The following UPP2 variants were observed in gnomAD, a reference collection of about 807,000 sequenced individuals.
UPP2 encodes the protein uridine phosphorylase 2, also known as UPase 2.
A neutral mutation model predicts 26.7 loss-of-function variants in UPP2; 23 were observed. The ratio of observed to expected loss-of-function variants is 0.86; its 90% CI spans 0.62 to 1.22. The LOEUF is 1.22. UPP2 is among the 50% of genes most tolerant of loss of function. The pLI, the probability that UPP2 is intolerant of heterozygous loss-of-function variation, is 0.00. For synonymous variants in UPP2, 127 were observed against 141.3 expected (o/e 0.90, Z 0.72); for missense variants, 387 against 396.7 (o/e 0.98, Z 0.21).
At chr2:158,077,805 C>G (rs1411742532) in intron 3 of UPP2, among the ~76,000 whole-genome samples, 1 of 151,902 alleles carries the variant, frequency 6.6e-6, no homozygotes, top group African/African-American at 2.4e-5. Flanking sequence ...AACTTCTGCA[C>G]AACAAAGGAA....
At chr2:158,122,219 C>G (rs1683585212) in intron 5 of UPP2, among the ~76,000 whole-genome samples, 1 of 150,810 alleles carries the variant, frequency 6.6e-6, no homozygotes, top group Non-Finnish European at 1.5e-5. Flanking sequence ...TCTTTCTCGT[C>G]CCAGAAGAAA....
intron 3 of UPP2, among the ~76,000 whole-genome samples, chr2:158,033,090 A>G (rs369925062): frequency 2.0e-5 from 3 of 152,244 alleles, no homozygotes; most frequent in African/African-American, 7.2e-5. Flanking sequence ...AATGTAGGCA[A>G]CACCCAGCTA....
intron 3 of UPP2, among the ~76,000 whole-genome samples, chr2:158,071,418 G>A (rs1682537722): frequency 6.6e-6 from 1 of 152,002 alleles, no homozygotes; most frequent in African/African-American, 2.4e-5. Context: ...GGGCATGGTG[G>A]CACATGCCTG....
intron 3 of UPP2, among the ~76,000 whole-genome samples, chr2:158,019,488 C>T (rs1357087199): frequency 1.3e-5 from 2 of 152,156 alleles, no homozygotes; most frequent in Non-Finnish European, 1.5e-5. Context: ...GTTCATCTTG[C>T]TTCCTCTTAT....
chr2:158,102,249 C>T, intron 1 of UPP2, 124 bp downstream of exon 1: 1 of 931,062 alleles, frequency 1.1e-6, no homozygotes, highest in South Asian at 2.4e-5. Flanking sequence ...GATTATATCA[C>T]TGGATGCAGC....
At position 158,131,976 on chromosome 2, in the gene UPP2, T is replaced by C. The variant is rs188417284; in HGVS notation, c.812-2772T>C. ...TTTAGTAAAGTCGGTTCCCACTCTG[T>C]AAAAAGTATAGAGCACTGGTTTCCT... On this transcript the variant is annotated intron_variant, in intron 6 of 6. Coordinates refer to ENST00000005756, the MANE Select transcript of UPP2 (RefSeq NM_173355.4). Among the ~76,000 whole-genome samples the C allele has an allele frequency of 3.9e-5, 6 of 152,326 alleles. No individual in the cohort carries two copies. The East Asian group carries it at 1.2e-3, about 29-fold the overall frequency.
chr2:158,085,000 T>C (rs1682790608), intron 3 of UPP2, among the ~76,000 whole-genome samples: 1 of 152,144 alleles, frequency 6.6e-6, no homozygotes, highest in South Asian at 2.1e-4. Flanking sequence ...TACATATGAA[T>C]TTTAGAATTT....
intron 3 of UPP2, among the ~76,000 whole-genome samples, chr2:158,041,611 T>A (rs1684082193): frequency 6.6e-6 from 1 of 152,270 alleles, no homozygotes; most frequent in South Asian, 2.1e-4. Flanking sequence ...TTGCATTGTA[T>A]TAATGACCTC....
intron 3 of UPP2, among the ~76,000 whole-genome samples, chr2:158,094,738 T>C (rs981456141): frequency 6.6e-6 from 1 of 152,206 alleles, no homozygotes; most frequent in African/African-American, 2.4e-5. Flanking sequence ...TTAGCATTAT[T>C]TTCCCATCTG....
intron 3 of UPP2, among the ~76,000 whole-genome samples, chr2:158,019,905 C>A (rs754251507): frequency 7.2e-5 from 11 of 151,734 alleles, no homozygotes; most frequent in Admixed American, 3.3e-4. Flanking sequence ...ATTTTATACA[C>A]CAAAAGAAAA....
intron 3 of UPP2, among the ~76,000 whole-genome samples, chr2:158,039,846 T>C (rs1446474559): frequency 1.3e-5 from 2 of 152,160 alleles, no homozygotes; most frequent in East Asian, 3.9e-4. Context: ...GGAATTTCTG[T>C]TTTCTCTCAT....
At chr2:158,020,401 C>T (rs17420138) in intron 3 of UPP2, among the ~76,000 whole-genome samples, 6,843 of 152,286 alleles carry the variant, frequency 0.045, 204 homozygotes, top group Non-Finnish European at 0.068. Flanking sequence ...AGGACAAGTG[C>T]GGACATGATG....
intron 3 of UPP2, among the ~76,000 whole-genome samples, chr2:158,034,065 C>G (rs1683964749): frequency 6.6e-6 from 1 of 152,196 alleles, no homozygotes; most frequent in Admixed American, 6.5e-5. Flanking sequence ...AGGCTCCACA[C>G]TTGGAAGTGG....
At chr2:158,023,641 G>T (rs1489102834) in intron 3 of UPP2, among the ~76,000 whole-genome samples, 1 of 152,108 alleles carries the variant, frequency 6.6e-6, no homozygotes, top group Non-Finnish European at 1.5e-5. Flanking sequence ...GAGCTTTGGG[G>T]TGGGGTGGAC....
intron 3 of UPP2, among the ~76,000 whole-genome samples, chr2:158,070,324 C>T (rs1372213146): frequency 6.6e-6 from 1 of 152,210 alleles, no homozygotes; most frequent in East Asian, 1.9e-4. Flanking sequence ...CATCTCTACC[C>T]ATTCTAGACA....
At chr2:158,055,296 C>A (rs1398261529) in intron 3 of UPP2, among the ~76,000 whole-genome samples, 1 of 152,116 alleles carries the variant, frequency 6.6e-6, no homozygotes, top group African/African-American at 2.4e-5. Flanking sequence ...CAGGATAACA[C>A]ATTAATCCAT....
chr2:158,099,260 T>G (rs946830180), upstream of UPP2, among the ~76,000 whole-genome samples: 2 of 152,214 alleles, frequency 1.3e-5, no homozygotes, highest in African/African-American at 2.4e-5. Flanking sequence ...ATTTATTGAA[T>G]GAATAAATGA....
chr2:158,065,939 C>A (rs565768514), intron 3 of UPP2: 10 of 505,012 alleles, frequency 2.0e-5, no homozygotes, highest in South Asian at 1.0e-4. Context: ...CAGTACAATT[C>A]GCAAGAAAAA....
intron 6 of UPP2, chr2:158,133,599 A>C (rs1047601987): frequency 6.6e-6 from 1 of 152,252 alleles, no homozygotes. Flanking sequence ...GTATACATAT[A>C]TCAAAACATC....
Sources: gnomAD v4.1 joint callset for allele counts (sites outside exome capture counted in the v4.1 genomes callset) on GRCh38, gnomAD v4.1.1 for gene constraint, MANE v1.5 for transcripts, NCBI Gene and HGNC (gene_info 2026-07-23, HGNC 2026-07-21) for gene names.